The following THSD4 variants were observed in gnomAD, a reference collection of about 807,000 sequenced individuals.
The protein encoded by THSD4 is thrombospondin type 1 domain containing 4.
THSD4 carries 69 observed loss-of-function variants against 119.0 expected under a neutral mutation model. The ratio of observed to expected loss-of-function variants is 0.58; its 90% CI spans 0.48 to 0.71. The LOEUF is 0.71. THSD4 is among the 30% of genes least tolerant of loss of function. The pLI is 0.00. For synonymous variants in THSD4, 524 were observed against 540.4 expected (o/e 0.97, Z 0.42); for missense variants, 1,393 against 1,391.1 (o/e 1.00, Z -0.02).
chr15:71,674,690 G>A (rs1250438315), intron 8 of THSD4, among the ~76,000 whole-genome samples: 1 of 152,114 alleles, frequency 6.6e-6, no homozygotes, highest in Non-Finnish European at 1.5e-5. Context: ...GTGTCAACTA[G>A]GGACTATTCT....
At chr15:71,470,577 G>A (rs1216237127) in intron 7 of THSD4, among the ~76,000 whole-genome samples, 2 of 152,038 alleles carry the variant, frequency 1.3e-5, no homozygotes, top group Admixed American at 6.5e-5. Context: ...TGACAGAGAT[G>A]TAGTGATTTG....
At chr15:71,374,960 C>T (rs1266057152) in intron 6 of THSD4, among the ~76,000 whole-genome samples, 2 of 152,098 alleles carry the variant, frequency 1.3e-5, no homozygotes, top group Non-Finnish European at 2.9e-5. Flanking sequence ...TGTGGAATCA[C>T]CTGTCCTGCG....
At chr15:71,469,563 G>T (rs1410360194) in intron 7 of THSD4, among the ~76,000 whole-genome samples, 1 of 152,168 alleles carries the variant, frequency 6.6e-6, no homozygotes, top group Non-Finnish European at 1.5e-5. Flanking sequence ...CCCTTCCGGC[G>T]AAGTGAGGCA....
intron 8 of THSD4, among the ~76,000 whole-genome samples, chr15:71,672,399 G>C (rs554990585): frequency 5.3e-5 from 8 of 152,226 alleles, no homozygotes; most frequent in Admixed American, 4.6e-4. Flanking sequence ...GAGACGATGG[G>C]GTTTTCTAAA....
At chr15:71,345,702 T>G (rs1348085338) in intron 6 of THSD4, among the ~76,000 whole-genome samples, 2 of 152,114 alleles carry the variant, frequency 1.3e-5, no homozygotes. Context: ...TTTAGGCAGT[T>G]GTTGCTAGAG....
At chr15:71,101,432 T>A (rs1468705683) in intron 1 of THSD4, among the ~76,000 whole-genome samples, 1 of 152,210 alleles carries the variant, frequency 6.6e-6, no homozygotes, top group African/African-American at 2.4e-5. Context: ...ATTCCATCAG[T>A]CAATGTTACA....
At chr15:71,568,983 G>A (rs1309296129) in intron 7 of THSD4, among the ~76,000 whole-genome samples, 1 of 152,050 alleles carries the variant, frequency 6.6e-6, no homozygotes, top group African/African-American at 2.4e-5. Context: ...TCTTTAATCA[G>A]CATGTATTAC....
chr15:71,693,418 G>T (rs1309975223), intron 8 of THSD4, among the ~76,000 whole-genome samples: 4 of 152,188 alleles, frequency 2.6e-5, no homozygotes, highest in African/African-American at 9.7e-5. Flanking sequence ...AGGCCAAGGT[G>T]GGCAGATTGC....
chr15:71,418,840 A>G lies in THSD4; in HGVS notation c.1152+7017A>G, dbSNP rs943345922. ...TGGGAGACTTTTTATTACTGTTTCTATCTCATTACTTGTTAATTGGTCTGT... is the reference window on the plus strand; with the variant it reads ...TGGGAGACTTTTTATTACTGTTTCTGTCTCATTACTTGTTAATTGGTCTGT... On this transcript the variant is annotated intron_variant, in intron 7 of 17. Transcript: ENST00000261862. 2.8e-5 allele frequency among the ~76,000 whole-genome samples: 3 copies of G among 108,594 alleles called. 1 individual carries two copies. Among genetic ancestry groups the G allele is most frequent in the Non-Finnish European group, 6.1e-5 (3 of 49,222 alleles). The allele number at this position is 108,594 out of a possible 152,430, so 71.2% of individuals were successfully genotyped here.
intron 7 of THSD4, among the ~76,000 whole-genome samples, chr15:71,531,822 A>G (rs562498912): frequency 6.6e-6 from 1 of 152,304 alleles, no homozygotes; most frequent in South Asian, 2.1e-4. Context: ...CAGCTGCCAA[A>G]TAAGAGAAGC....
chr15:71,108,461 A>G (rs184462558), intron 1 of THSD4, among the ~76,000 whole-genome samples: 2 of 152,314 alleles, frequency 1.3e-5, no homozygotes, highest in Admixed American at 1.3e-4. Flanking sequence ...TAGCTTTAAC[A>G]TGTATGATAT....
chr15:71,551,011 A>G (rs2048918213), intron 7 of THSD4, among the ~76,000 whole-genome samples: 1 of 152,202 alleles, frequency 6.6e-6, no homozygotes, highest in Non-Finnish European at 1.5e-5. Context: ...TTTTTATCAT[A>G]TAGGTCTACT....
At chr15:71,695,194 C>A (rs917635747) in intron 8 of THSD4, among the ~76,000 whole-genome samples, 1 of 152,188 alleles carries the variant, frequency 6.6e-6, no homozygotes, top group Admixed American at 6.5e-5. Flanking sequence ...TTAGAGAAAT[C>A]ATTTCCTTGC....
intron 3 of THSD4, chr15:71,172,074 C>G (rs2043370680): frequency 6.6e-6 from 1 of 151,976 alleles, no homozygotes; most frequent in African/African-American, 2.4e-5. Context: ...GCCTGTAATC[C>G]CAGCACTTTG....
chr15:71,329,632 G>A (rs745933967), intron 6 of THSD4, among the ~76,000 whole-genome samples: 2 of 152,154 alleles, frequency 1.3e-5, no homozygotes, highest in Non-Finnish European at 2.9e-5. Context: ...TTCCCGAGAC[G>A]CCAGCTCTGC....
intron 7 of THSD4, among the ~76,000 whole-genome samples, chr15:71,561,379 A>G (rs1412363458): frequency 1.3e-5 from 2 of 152,190 alleles, no homozygotes; most frequent in Non-Finnish European, 1.5e-5. Context: ...TGCTCAATGA[A>G]TGGCAGCTAT....
At position 71,601,808 on chromosome 15, in the gene THSD4, G is replaced by T. The variant is rs372124136; in HGVS notation, c.1153-58722G>T. Among the ~76,000 whole-genome samples the T allele has an allele frequency of 2.0e-3, 298 of 152,284 alleles. 17 individuals carry two copies. The South Asian group carries it at 0.054, about 28-fold the overall frequency. ...TCATAGCACTCTTTTTCTTTACTGT[G>T]TCAAAGCAGCTGTGTGCGTGAGCAG... On this transcript the variant is annotated intron_variant, in intron 7 of 17. Coordinates refer to ENST00000261862, the MANE Select transcript of THSD4 (RefSeq NM_024817.3).
chr15:71,388,362 G>T (rs561063259), intron 6 of THSD4, among the ~76,000 whole-genome samples: 7 of 152,284 alleles, frequency 4.6e-5, no homozygotes, highest in African/African-American at 1.7e-4. Context: ...TTTATCCTTA[G>T]TAATGGGGAA....
chr15:71,230,091 G>T (rs945300724), intron 4 of THSD4, among the ~76,000 whole-genome samples: 14 of 152,246 alleles, frequency 9.2e-5, no homozygotes, highest in Middle Eastern at 3.4e-3. Context: ...CAACCTGCCG[G>T]GGGTCAGCCT....
Sources: gnomAD v4.1 joint callset for allele counts (sites outside exome capture counted in the v4.1 genomes callset) on GRCh38, gnomAD v4.1.1 for gene constraint, MANE v1.5 for transcripts, NCBI Gene and HGNC (gene_info 2026-07-23, HGNC 2026-07-21) for gene names.